DGKB: variants seen among roughly 807,000 people sequenced by gnomAD.
The protein encoded by DGKB is diacylglycerol kinase beta.
In DGKB, 67 loss-of-function variants were observed where a neutral mutation model predicts 114.3. That is an observed-to-expected ratio of 0.59 (90% CI 0.48 to 0.72). DGKB has a LOEUF of 0.72. Ranked by LOEUF, DGKB falls within the 30% of genes least tolerant of loss-of-function variation. The probability of loss-of-function intolerance (pLI) is 0.00; values close to 1 mark genes in which losing one functional copy is unlikely to be tolerated. For missense variants in DGKB, 907 were observed against 975.2 expected, an observed-to-expected ratio of 0.93 and a Z score of 0.93; for synonymous variants, 398 against 323.1, an observed-to-expected ratio of 1.23 and a Z score of -2.49.
At chr7:14,425,482 A>T (rs915545164) in intron 21 of DGKB, among the ~76,000 whole-genome samples, 1 of 152,136 alleles carries the variant, frequency 6.6e-6, no homozygotes, top group South Asian at 2.1e-4. Flanking sequence ...GAAATCAAAT[A>T]TAATCCTGAC....
intron 20 of DGKB, among the ~76,000 whole-genome samples, chr7:14,497,985 C>T (rs1392199015): frequency 6.6e-6 from 1 of 151,842 alleles, no homozygotes; most frequent in Admixed American, 6.6e-5. Flanking sequence ...CACAAAGATG[C>T]ATTTAATATA....
chr7:14,894,005 T>C (rs1396989862), intron 1 of DGKB, among the ~76,000 whole-genome samples: 1 of 151,282 alleles, frequency 6.6e-6, no homozygotes, highest in Non-Finnish European at 1.5e-5. Context: ...CTCAAAAATT[T>C]TAAGTGAACA....
chr7:14,286,995 C>T (rs544815518), intron 23 of DGKB, among the ~76,000 whole-genome samples: 3 of 152,080 alleles, frequency 2.0e-5, no homozygotes, highest in African/African-American at 7.2e-5. Flanking sequence ...TTAACTTTTA[C>T]AACAAAACGT....
At chr7:14,486,476 G>A (rs893080234) in intron 20 of DGKB, among the ~76,000 whole-genome samples, 4 of 152,020 alleles carry the variant, frequency 2.6e-5, no homozygotes, top group Non-Finnish European at 4.4e-5. Context: ...TAGAGAAAAC[G>A]GCCTTGGGAG....
At chr7:14,581,661 T>C (rs994092981) in intron 18 of DGKB, among the ~76,000 whole-genome samples, 1 of 152,174 alleles carries the variant, frequency 6.6e-6, no homozygotes, top group South Asian at 2.1e-4. Context: ...ATCACTTTCT[T>C]TTATTTGTTT....
intron 23 of DGKB, among the ~76,000 whole-genome samples, chr7:14,273,170 C>T (rs1798510792): frequency 6.6e-6 from 1 of 151,956 alleles, no homozygotes; most frequent in Non-Finnish European, 1.5e-5. Flanking sequence ...TATGGTGAAA[C>T]CCCAACTCTA....
chr7:14,337,034 C>T (rs547341441), intron 23 of DGKB, among the ~76,000 whole-genome samples: 5 of 152,070 alleles, frequency 3.3e-5, no homozygotes, highest in South Asian at 2.1e-4. Flanking sequence ...GGAGTACATA[C>T]GTAGTACCTA....
At chr7:14,839,834 A>G (rs1847678475) in intron 2 of DGKB, among the ~76,000 whole-genome samples, 1 of 151,876 alleles carries the variant, frequency 6.6e-6, no homozygotes, top group Non-Finnish European at 1.5e-5. Flanking sequence ...GACTTTTTTT[A>G]GTTTTTTAAA....
intron 5 of DGKB, among the ~76,000 whole-genome samples, chr7:14,720,511 GTGTGTGTA>G (rs1307925831): frequency 9.1e-5 from 11 of 120,560 alleles, no homozygotes; most frequent in South Asian, 3.2e-4. Context: ...GTGTGTGTGT[GTGTGTGTA>G]TGTTTAGTAG....
intron 23 of DGKB, among the ~76,000 whole-genome samples, chr7:14,225,280 G>C (rs961171842): frequency 2.0e-5 from 3 of 151,998 alleles, no homozygotes; most frequent in African/African-American, 7.2e-5. Context: ...CTTTCTGCCT[G>C]ACACTCTAAC....
At chr7:14,870,440 A>C (rs1852284000) in intron 1 of DGKB, among the ~76,000 whole-genome samples, 1 of 152,192 alleles carries the variant, frequency 6.6e-6, no homozygotes, top group Non-Finnish European at 1.5e-5. Context: ...GTTTTCTCTA[A>C]TTATGGAAAT....
intron 23 of DGKB, among the ~76,000 whole-genome samples, chr7:14,268,341 AGAG>A (rs1391335908): frequency 6.6e-6 from 1 of 152,142 alleles, no homozygotes; most frequent in Non-Finnish European, 1.5e-5. Flanking sequence ...GCTGCTCTGA[AGAG>A]GAATTAATCT....
chr7:14,257,283 G>A (rs1796092430), intron 23 of DGKB, among the ~76,000 whole-genome samples: 1 of 152,062 alleles, frequency 6.6e-6, no homozygotes, highest in South Asian at 2.1e-4. Flanking sequence ...AACACGAAAT[G>A]CATTTACGAT....
At chr7:14,291,061 G>C (rs1165616303) in intron 23 of DGKB, among the ~76,000 whole-genome samples, 1 of 140,694 alleles carries the variant, frequency 7.1e-6, no homozygotes, top group Non-Finnish European at 1.5e-5. Context: ...AGAATCACTT[G>C]ATCCCAAGAG....
chr7:14,212,477 C>T (rs1371227871), intron 23 of DGKB, among the ~76,000 whole-genome samples: 1 of 151,934 alleles, frequency 6.6e-6, no homozygotes, highest in Admixed American at 6.6e-5. Context: ...ACACTTATTC[C>T]TAGCCTTCTT....
At chr7:14,256,530 T>C (rs1795998180) in intron 23 of DGKB, among the ~76,000 whole-genome samples, 1 of 152,170 alleles carries the variant, frequency 6.6e-6, no homozygotes, top group Admixed American at 6.5e-5. Flanking sequence ...TGAAGTGCTA[T>C]TTTTTGTATT....
chr7:14,618,180 G>C (rs1009394845), intron 15 of DGKB, among the ~76,000 whole-genome samples: 1 of 151,104 alleles, frequency 6.6e-6, no homozygotes, highest in African/African-American at 2.4e-5. Flanking sequence ...TGATTATATA[G>C]AGATAATTAA....
chr7:14,275,840 A>G (rs1473739665), intron 23 of DGKB, among the ~76,000 whole-genome samples: 2 of 152,222 alleles, frequency 1.3e-5, no homozygotes, highest in Non-Finnish European at 1.5e-5. Flanking sequence ...AAATTTTGGC[A>G]CAATGCAAAT....
At chr7:14,703,980 C>T (rs1004576558) in intron 6 of DGKB, among the ~76,000 whole-genome samples, 2 of 152,048 alleles carry the variant, frequency 1.3e-5, no homozygotes, top group African/African-American at 4.8e-5. Context: ...AGTGTACACA[C>T]CAATGTAACT....
Sources: gnomAD v4.1 joint callset for allele counts (sites outside exome capture counted in the v4.1 genomes callset) on GRCh38, gnomAD v4.1.1 for gene constraint, MANE v1.5 for transcripts, NCBI Gene and HGNC (gene_info 2026-07-23, HGNC 2026-07-21) for gene names.